The following LPAR1 variants were observed in gnomAD, a reference collection of about 807,000 sequenced individuals.
The protein encoded by LPAR1 is LPA receptor 1.
LPAR1 carries 5 observed loss-of-function variants against 23.8 expected under a neutral mutation model. The observed-to-expected ratio is 0.21, with a 90% CI of 0.11 to 0.44. The LOEUF (loss-of-function observed/expected upper bound fraction) is 0.44, where lower values mean the gene tolerates loss of function less well. Ranked by LOEUF, LPAR1 falls within the 20% of genes least tolerant of loss-of-function variation. LPAR1 has a pLI of 0.99. For synonymous variants in LPAR1, 160 were observed against 164.7 expected (o/e 0.97, Z 0.22); for missense variants, 311 against 482.8 (o/e 0.64, Z 3.33).
At chr9:110,927,610 C>T (rs58841541) in intron 5 of LPAR1, among the ~76,000 whole-genome samples, 18 of 151,704 alleles carry the variant, frequency 1.2e-4, no homozygotes, top group South Asian at 2.1e-4. Flanking sequence ...CCAAACTGCA[C>T]GCAATAAAGT....
At chr9:110,884,065 T>C (rs555327688) in intron 5 of LPAR1, among the ~76,000 whole-genome samples, 1 of 152,196 alleles carries the variant, frequency 6.6e-6, no homozygotes, top group East Asian at 1.9e-4. Flanking sequence ...GTCTTGCAGG[T>C]GAGAAGTCTG....
Position 111,013,267 on chromosome 9 carries a change from C to T in LPAR1, c.-182+22855G>A, listed in dbSNP as rs192883113. On this transcript the variant is annotated intron_variant, in intron 2 of 5. Coordinates refer to ENST00000683809, the MANE Select transcript of LPAR1 (RefSeq NM_001351411.2). ...CACACGCAAACTACAGACAAAACAT[C>T]CTACCACAAAACTAAATCTGAAAAT... 8.5e-4 allele frequency among the ~76,000 whole-genome samples: 130 copies of T among 152,238 alleles called. 2 individuals are homozygous for T. The Middle Eastern group carries it at 0.01, about 12-fold the overall frequency.
At chr9:110,999,579 G>A (rs948215884) in intron 2 of LPAR1, 9 of 367,498 alleles carry the variant, frequency 2.4e-5, no homozygotes, top group African/African-American at 1.9e-4. Flanking sequence ...TCTGAAGGCT[G>A]GAAGTCGAAG....
chr9:110,991,477 T>C (rs1295024619), intron 2 of LPAR1, among the ~76,000 whole-genome samples: 2 of 152,212 alleles, frequency 1.3e-5, no homozygotes, highest in African/African-American at 4.8e-5. Flanking sequence ...GATAGACTCT[T>C]GCACCCAAAC....
In LPAR1 at chr9:110,967,390, G is replaced by A. The variant is rs536992199; in HGVS notation, c.45+4683C>T. On this transcript the variant is annotated intron_variant, in intron 4 of 5. Transcript: ENST00000683809. ...CAAGCTTTCTTCCCTATTATTGTTT[G>A]AAACAATCACAAGCTATTTGTTCAT... is the stretch of plus-strand genomic sequence containing the variant. Among the ~76,000 whole-genome samples the A allele has an allele frequency of 3.9e-4, 60 of 152,298 alleles. 1 individual carries two copies. The South Asian group carries it at 0.012, about 29-fold the overall frequency.
At chr9:110,954,879 G>A (rs1223710099) in intron 4 of LPAR1, among the ~76,000 whole-genome samples, 1 of 152,160 alleles carries the variant, frequency 6.6e-6, no homozygotes, top group Non-Finnish European at 1.5e-5. Context: ...GGAAGTGACA[G>A]GATAATTTCT....
rs1041908082 is a variant in LPAR1 at position 110,942,126 on chromosome 9, T to C, written c.88A>G (p.Ile30Val). ...NEPQCFYNES[I>V]AFFYNRSGKH... Reference sequence around the variant, plus strand: ...CCACTTCGGTTATAAAAGAAGGCAATGGACTCGTTGTAGAAGCACTGTGGT... The same window carrying C: ...CCACTTCGGTTATAAAAGAAGGCAACGGACTCGTTGTAGAAGCACTGTGGT... The change falls in exon 5 of 6, where the codon ATT becomes GTT. Residue 30 changes from isoleucine to valine, a missense_variant. This residue lies in a region of LPAR1 where 61 missense variants were observed against 55.6 expected (regional missense o/e 1.10). Transcript: ENST00000683809. The C allele has an allele frequency of 1.2e-6, 2 of 1,613,894 alleles. No homozygotes were observed. Among genetic ancestry groups the C allele is most frequent in the Non-Finnish European group, 1.7e-6 (2 of 1,179,966 alleles).
intron 2 of LPAR1, among the ~76,000 whole-genome samples, chr9:110,984,667 A>G (rs1262582194): frequency 6.6e-6 from 1 of 152,036 alleles, no homozygotes; most frequent in African/African-American, 2.4e-5. Flanking sequence ...AACACATAAT[A>G]CAACTACTCA....
Position 110,902,431 on chromosome 9 carries a change from C to T in LPAR1, c.794-26709G>A, listed in dbSNP as rs997570092. Among the ~76,000 whole-genome samples the T allele has an allele frequency of 3.9e-5, 6 of 152,234 alleles. No homozygotes were observed. In the East Asian group the frequency reaches 1.2e-3, roughly 29 times the overall value. ...CGACATCTGATGGGTTTATAAGGGG[C>T]TTTTCCCACTTTGCTCAGCACTTCT... is the stretch of plus-strand genomic sequence containing the variant. On this transcript the variant is annotated intron_variant, in intron 5 of 5. Coordinates refer to ENST00000683809, the MANE Select transcript of LPAR1 (RefSeq NM_001351411.2).
intron 4 of LPAR1, among the ~76,000 whole-genome samples, chr9:110,955,340 G>C (rs1294785865): frequency 1.3e-5 from 2 of 152,144 alleles, no homozygotes; most frequent in Non-Finnish European, 2.9e-5. Context: ...AAGAGATAAA[G>C]AGGGTCATTA....
intron 5 of LPAR1, among the ~76,000 whole-genome samples, chr9:110,931,374 G>A (rs1048661741): frequency 5.9e-5 from 9 of 152,170 alleles, no homozygotes; most frequent in African/African-American, 2.2e-4. Context: ...CTTGAAAGCA[G>A]GATACATATT....
chr9:110,967,127 C>T (rs1189568126), intron 4 of LPAR1, among the ~76,000 whole-genome samples: 3 of 152,124 alleles, frequency 2.0e-5, no homozygotes, highest in African/African-American at 7.2e-5. Flanking sequence ...AGTGTCTGGA[C>T]CAGCAGAATT....
chr9:110,903,598 T>A (rs551744072), intron 5 of LPAR1, among the ~76,000 whole-genome samples: 1 of 152,068 alleles, frequency 6.6e-6, no homozygotes, highest in Non-Finnish European at 1.5e-5. Flanking sequence ...TTACTCACTA[T>A]GAACAAGAAG....
chr9:110,943,726 G>C (rs1247613972), intron 4 of LPAR1, among the ~76,000 whole-genome samples: 9 of 151,982 alleles, frequency 5.9e-5, no homozygotes, highest in Admixed American at 5.9e-4. Flanking sequence ...CAGACATGGT[G>C]GTGGGCACCT....
At chr9:110,886,420 G>GA (rs5899920) in intron 5 of LPAR1, among the ~76,000 whole-genome samples, 74,202 of 117,064 alleles carry the variant, frequency 0.63, 23,586 homozygotes, top group Non-Finnish European at 0.72. Context: ...ATAACCAAAG[G>GA]AAAAAAAAAA....
intron 2 of LPAR1, among the ~76,000 whole-genome samples, chr9:111,032,762 A>C (rs1312633146): frequency 6.6e-6 from 1 of 152,248 alleles, no homozygotes; most frequent in Admixed American, 6.5e-5. Flanking sequence ...GAAACTTGCT[A>C]TAACAGGAAT....
intron 4 of LPAR1, among the ~76,000 whole-genome samples, chr9:110,964,809 CA>C (rs1272276022): frequency 2.1e-5 from 3 of 140,610 alleles, no homozygotes; most frequent in South Asian, 2.3e-4. Flanking sequence ...TAAGGATGTC[CA>C]AAAAAAAGTG....
In LPAR1 at chr9:110,874,442, GC is replaced by G. The variant is rs1442855540; in HGVS notation, c.*978del. 1 of 152,516 alleles carries G rather than the reference GC, an allele frequency of 6.6e-6. No homozygotes were observed. Among genetic ancestry groups the G allele is most frequent in the Non-Finnish European group, 1.5e-5 (1 of 68,004 alleles). The allele number at this position is 152,516 out of a possible 1,614,324, so 9.4% of individuals were successfully genotyped here. ...ACACATATAGGCATACATGGGGGTTGCTTTTTAAAGGTGGTTACTTCTGGGT... is the reference window on the plus strand; with the variant it reads ...ACACATATAGGCATACATGGGGGTTGTTTTTAAAGGTGGTTACTTCTGGGT... On this transcript the variant is annotated 3_prime_UTR_variant, in exon 6 of 6. Coordinates refer to ENST00000683809, the MANE Select transcript of LPAR1 (RefSeq NM_001351411.2).
At chr9:111,010,671 C>A (rs1240366696) in intron 2 of LPAR1, among the ~76,000 whole-genome samples, 1 of 152,128 alleles carries the variant, frequency 6.6e-6, no homozygotes, top group East Asian at 1.9e-4. Flanking sequence ...GTACCCTACC[C>A]TTGAACTGGA....
Sources: allele counts gnomAD v4.1 joint callset (sites outside exome capture counted in the v4.1 genomes callset), GRCh38; gene constraint gnomAD v4.1.1; regional missense constraint gnomAD v4.1.1; transcripts MANE v1.5; gene names NCBI Gene and HGNC (gene_info 2026-07-23, HGNC 2026-07-21).